RMST: variants seen among roughly 807,000 people sequenced by gnomAD.
RMST encodes the protein long intergenic non-protein coding RNA 54.
chr12:97,494,828 T>C (rs1289338267), exon 9 of RMST: 1 of 152,208 alleles, frequency 6.6e-6, no homozygotes, highest in Non-Finnish European at 1.5e-5. Flanking sequence ...TGCTTCTGCA[T>C]TATTAATAAA....
At chr12:97,555,123 TG>T (rs1322046100) in intron 11 of RMST, among the ~76,000 whole-genome samples, 1 of 152,238 alleles carries the variant, frequency 6.6e-6, no homozygotes, top group East Asian at 1.9e-4. Flanking sequence ...GACCTTTAAT[TG>T]CATGTCCCCC....
chr12:97,553,108 A>T (rs1401486475), intron 11 of RMST, among the ~76,000 whole-genome samples: 1 of 152,220 alleles, frequency 6.6e-6, no homozygotes, highest in Non-Finnish European at 1.5e-5. Flanking sequence ...TTACCAGTTG[A>T]AACATGACTG....
chr12:97,475,698 T>C (rs1040069080), intron 5 of RMST, among the ~76,000 whole-genome samples: 1 of 151,822 alleles, frequency 6.6e-6, no homozygotes. Context: ...TTTAGAGAGG[T>C]TAAAAGAAAA....
At chr12:97,548,548 G>C (rs1004560809) in intron 11 of RMST, among the ~76,000 whole-genome samples, 1 of 151,914 alleles carries the variant, frequency 6.6e-6, no homozygotes. Context: ...ATGTCTTATA[G>C]TTTTCAGTGT....
At chr12:97,541,209 C>T (rs1042579116) in intron 11 of RMST, 1 of 151,498 alleles carries the variant, frequency 6.6e-6, no homozygotes, top group African/African-American at 2.4e-5. Context: ...TTCACAGCAG[C>T]AAGACAAGAC....
At chr12:97,479,492 C>T (rs531801467) in intron 5 of RMST, among the ~76,000 whole-genome samples, 6 of 152,210 alleles carry the variant, frequency 3.9e-5, no homozygotes, top group Admixed American at 3.3e-4. Flanking sequence ...GGCTTCTGCT[C>T]CTACCTTACT....
At chr12:97,502,765 T>C (rs1321081697) in intron 10 of RMST, among the ~76,000 whole-genome samples, 2 of 152,200 alleles carry the variant, frequency 1.3e-5, no homozygotes, top group East Asian at 3.9e-4. Flanking sequence ...GTGGGGCCTC[T>C]ATGAATGTAG....
chr12:97,553,152 T>A (rs1195435973), intron 11 of RMST, among the ~76,000 whole-genome samples: 1 of 152,232 alleles, frequency 6.6e-6, no homozygotes, highest in South Asian at 2.1e-4. Context: ...AAAAGACCTA[T>A]AATGGTTTAT....
intron 10 of RMST, among the ~76,000 whole-genome samples, chr12:97,516,399 G>C (rs911717827): frequency 6.6e-6 from 1 of 151,930 alleles, no homozygotes; most frequent in Non-Finnish European, 1.5e-5. Flanking sequence ...TTTCCTATCT[G>C]AATAGGTTTG....
At chr12:97,514,778 G>C (rs1177853853) in intron 10 of RMST, among the ~76,000 whole-genome samples, 1 of 151,658 alleles carries the variant, frequency 6.6e-6, no homozygotes, top group African/African-American at 2.4e-5. Flanking sequence ...GACAACCTTG[G>C]GACTTATAAA....
intron 10 of RMST, among the ~76,000 whole-genome samples, chr12:97,510,716 G>A (rs975748411): frequency 2.0e-5 from 3 of 152,304 alleles, no homozygotes; most frequent in African/African-American, 7.2e-5. Context: ...CCCAGTAGGT[G>A]AAACAGCATT....
At chr12:97,465,703 A>C (rs1873103730) in exon 5 of RMST, 1 of 152,328 alleles carries the variant, frequency 6.6e-6, no homozygotes, top group Admixed American at 6.5e-5. Context: ...TTCCATGAGA[A>C]GTGACATCCT....
intron 5 of RMST, among the ~76,000 whole-genome samples, chr12:97,484,730 C>T (rs1472550124): frequency 2.6e-5 from 4 of 152,192 alleles, no homozygotes. Context: ...CTATATATAA[C>T]TCTTCCATTG....
intron 10 of RMST, among the ~76,000 whole-genome samples, chr12:97,505,437 G>A (rs959116134): frequency 6.6e-6 from 1 of 152,204 alleles, no homozygotes; most frequent in Non-Finnish European, 1.5e-5. Flanking sequence ...GCTTGGTTCT[G>A]ACAACAAAGA....
Position 97,463,045 on chromosome 12 carries a change from C to CTCTG in RMST, n.447-104_447-103insGTCT, listed in dbSNP as rs962961607. 6 of 137,366 alleles carry CTCTG rather than the reference C, an allele frequency of 4.4e-5. 1 individual carries two copies. Among genetic ancestry groups the CTCTG allele is most frequent in the South Asian group, 2.4e-4 (1 of 4,150 alleles). 8.5% of individuals were successfully genotyped at this position (137,366 alleles called of 1,614,324 possible). A position where few individuals can be genotyped will look rare whatever the true frequency, so the allele number is the denominator to read the frequency against. On this transcript the variant is annotated intron_variant and non_coding_transcript_variant, in intron 3 of 13. Transcript: ENST00000640149. Reference sequence around the variant, plus strand: ...TCTCTCTCTCTCTCTCTCTCTCTCTCTCTCTCTCTCTCTGAAACACACACA... The same window carrying CTCTG: ...TCTCTCTCTCTCTCTCTCTCTCTCTCTCTGTCTCTCTCTCTCTGAAACACACACA...
At chr12:97,500,399 T>A (rs1331563910) in intron 10 of RMST, among the ~76,000 whole-genome samples, 1 of 152,182 alleles carries the variant, frequency 6.6e-6, no homozygotes, top group African/African-American at 2.4e-5. Context: ...TTCAGGATCC[T>A]CTACACAAAT....
At chr12:97,537,998 C>A (rs1160408751) in intron 11 of RMST, among the ~76,000 whole-genome samples, 1 of 151,316 alleles carries the variant, frequency 6.6e-6, no homozygotes, top group Admixed American at 6.6e-5. Flanking sequence ...AAGATTATAT[C>A]CACCTACCAT....
At position 97,504,402 on chromosome 12, in the gene RMST, T is replaced by TAAA. The variant is rs754529152; in HGVS notation, n.1340+8346_1340+8347insAAA. 8.0e-5 allele frequency among the ~76,000 whole-genome samples: 10 copies of TAAA among 125,260 alleles called. 1 individual carries two copies. Among genetic ancestry groups the TAAA allele is most frequent in the Non-Finnish European group, 9.7e-5 (6 of 62,066 alleles). 82.2% of individuals were successfully genotyped at this position (125,260 alleles called of 152,430 possible). A position where few individuals can be genotyped will look rare whatever the true frequency, so the allele number is the denominator to read the frequency against. ...CTGGGCGACAGAGTGAGACTTCATT[T>TAAA]CAAAAAAAAAAAAAAAAAAAAAGAA... On this transcript the variant is annotated intron_variant and non_coding_transcript_variant, in intron 10 of 13. Coordinates refer to ENST00000640149, the Ensembl canonical transcript of RMST.
At chr12:97,520,427 C>G (rs1046318414) in intron 10 of RMST, among the ~76,000 whole-genome samples, 1 of 152,116 alleles carries the variant, frequency 6.6e-6, no homozygotes, top group Non-Finnish European at 1.5e-5. Context: ...GCTCTTTGAT[C>G]TTAACTGTGT....
Sources: allele counts gnomAD v4.1 joint callset (sites outside exome capture counted in the v4.1 genomes callset), GRCh38; gene constraint gnomAD v4.1.1; transcripts MANE v1.5; gene names NCBI Gene and HGNC (gene_info 2026-07-23, HGNC 2026-07-21).